Variants in EPS15 observed in about 807,000 individuals in gnomAD.
EPS15 encodes the protein epidermal growth factor receptor pathway substrate 15.
EPS15 carries 72 observed loss-of-function variants against 113.8 expected under a neutral mutation model. The observed-to-expected ratio is 0.63, with a 90% confidence interval of 0.52 to 0.77. EPS15 has a LOEUF of 0.77. EPS15 is among the 30% of genes least tolerant of loss of function. EPS15 has a pLI of 0.00. For synonymous variants in EPS15, 344 were observed against 363.4 expected, an observed-to-expected ratio of 0.95 and a Z score of 0.61; for missense variants, 1,048 against 1,045.8, an observed-to-expected ratio of 1.00 and a Z score of -0.03.
In EPS15 at chr1:51,438,574, T is replaced by C. The variant is rs919113865; in HGVS notation, c.1040+1773A>G. Among the ~76,000 whole-genome samples the C allele has an allele frequency of 8.5e-5, 13 of 152,308 alleles. 1 individual carries two copies. The highest frequency in any genetic ancestry group is 4.1e-4 in the South Asian group (2 of 4,834). ...ACATTGGTGTATGTATCCATTTTCATAGGCTTAAGAGGCCCAGATGATAAG... is the reference window on the plus strand; with the variant it reads ...ACATTGGTGTATGTATCCATTTTCACAGGCTTAAGAGGCCCAGATGATAAG... On this transcript the variant is annotated intron_variant, in intron 12 of 24. Coordinates refer to ENST00000371733, the MANE Select transcript of EPS15 (RefSeq NM_001981.3).
intron 1 of EPS15, among the ~76,000 whole-genome samples, chr1:51,497,080 A>G (rs576011221): frequency 6.6e-6 from 1 of 152,230 alleles, no homozygotes; most frequent in African/African-American, 2.4e-5. Context: ...AAAGCTATTC[A>G]ATGTTACATA....
At chr1:51,371,357 C>T (rs1015465751) in intron 21 of EPS15, among the ~76,000 whole-genome samples, 2 of 152,176 alleles carry the variant, frequency 1.3e-5, no homozygotes, top group African/African-American at 4.8e-5. Context: ...TGACTGCCCC[C>T]AAAGACCTTC....
chr1:51,462,870 ATTTTTTTTTTTTT>A (rs34320767), intron 7 of EPS15, among the ~76,000 whole-genome samples: 9 of 111,068 alleles, frequency 8.1e-5, no homozygotes, highest in Admixed American at 6.7e-4. Context: ...AAAAAGTCAG[ATTTTTTTTTTTTT>A]TTTTTTTTTT....
At chr1:51,455,410 C>T (rs927514648) in intron 8 of EPS15, among the ~76,000 whole-genome samples, 1 of 151,742 alleles carries the variant, frequency 6.6e-6, no homozygotes, top group African/African-American at 2.4e-5. Context: ...GCCAACACGG[C>T]GAAACCCCAT....
chr1:51,491,814 G>A (rs1191308910), intron 1 of EPS15, among the ~76,000 whole-genome samples: 3 of 151,382 alleles, frequency 2.0e-5, no homozygotes, highest in Admixed American at 1.3e-4. Flanking sequence ...CTTACAGAAT[G>A]CACAGTGCAC....
At chr1:51,405,793 CAATTGTCCTCAGATGAGGCA>C in intron 16 of EPS15, 92 bp downstream of exon 16, 1 of 822,594 alleles carries the variant, frequency 1.2e-6, no homozygotes, top group Non-Finnish European at 2.0e-6. Context: ...AAGGAAATCT[CAATTGTCCTCAGATGAGGCA>C]AGGCCATGTA....
intron 1 of EPS15, among the ~76,000 whole-genome samples, chr1:51,514,214 T>C (rs1056138043): frequency 3.3e-5 from 5 of 152,202 alleles, no homozygotes; most frequent in African/African-American, 9.6e-5. Flanking sequence ...CATACCTTGT[T>C]GATTCAACTG....
Position 51,443,135 on chromosome 1 carries a change from T to C in EPS15, c.954+1754A>G, listed in dbSNP as rs1652726262. Among the ~76,000 whole-genome samples the C allele has an allele frequency of 2.0e-5, 3 of 152,138 alleles. No homozygotes were observed. The South Asian group carries it at 6.2e-4, about 32-fold the overall frequency. On this transcript the variant is annotated intron_variant, in intron 11 of 24. Coordinates refer to ENST00000371733, the MANE Select transcript of EPS15 (RefSeq NM_001981.3). ...CATAAATAGACAAACGTATCTATGATCTAGTGAATGAACTTCAGACAAATC... is the reference window on the plus strand; with the variant it reads ...CATAAATAGACAAACGTATCTATGACCTAGTGAATGAACTTCAGACAAATC...
At chr1:51,463,552 A>G (rs1436513586) in intron 7 of EPS15, 121 bp downstream of exon 7, 2 of 550,974 alleles carry the variant, frequency 3.6e-6, no homozygotes, top group Non-Finnish European at 6.0e-6. Context: ...AAAATCCTAT[A>G]ATGATACAAC....
chr1:51,363,315 A>AAG (rs1491034426), intron 23 of EPS15, among the ~76,000 whole-genome samples: 6 of 151,186 alleles, frequency 4.0e-5, no homozygotes, highest in Admixed American at 3.3e-4. Context: ...AAAAAAAAAA[A>AAG]GAGGAATATT....
intron 21 of EPS15, among the ~76,000 whole-genome samples, chr1:51,391,455 TAATAAAATAA>T (rs57219279): frequency 3.6e-3 from 531 of 148,352 alleles, no homozygotes; most frequent in East Asian, 0.014. Flanking sequence ...CCTAAAACTT[TAATAAAATAA>T]AATAAAATAA....
intron 24 of EPS15, 138 bp from the exon 25 acceptor site, chr1:51,356,984 C>A: frequency 1.6e-6 from 1 of 624,346 alleles, no homozygotes; most frequent in African/African-American, 1.9e-5. Context: ...TTTTTTTTTT[C>A]CCCCTGAAAA....
At chr1:51,377,720 CAGGAA>C (rs1261784756) in intron 21 of EPS15, among the ~76,000 whole-genome samples, 1 of 152,010 alleles carries the variant, frequency 6.6e-6, no homozygotes, top group Non-Finnish European at 1.5e-5. Flanking sequence ...AGAAATCGTA[CAGGAA>C]AGGAAGAGTC....
intron 1 of EPS15, 94 bp downstream of exon 1, chr1:51,519,105 G>C (rs1395069126): frequency 1.6e-5 from 14 of 858,406 alleles, no homozygotes; most frequent in Non-Finnish European, 2.4e-5. Flanking sequence ...GAAGCTGCCT[G>C]CTTGGCCCAC....
At chr1:51,435,069 T>TG (rs1652033349) in intron 12 of EPS15, among the ~76,000 whole-genome samples, 1 of 151,684 alleles carries the variant, frequency 6.6e-6, no homozygotes, top group African/African-American at 2.4e-5. Flanking sequence ...TTTAAACATG[T>TG]GAAAAAAAAG....
chr1:51,397,207 G>A (rs111655439), intron 20 of EPS15: 4 of 152,174 alleles, frequency 2.6e-5, no homozygotes, highest in African/African-American at 9.6e-5. Context: ...AACCTCATAG[G>A]ATTACTGTGA....
intron 2 of EPS15, among the ~76,000 whole-genome samples, chr1:51,474,789 G>A (rs541560525): frequency 3.3e-5 from 5 of 151,286 alleles, no homozygotes; most frequent in African/African-American, 7.3e-5. Context: ...CCATTAACTC[G>A]TCATTTACAT....
At position 51,413,332 on chromosome 1, in the gene EPS15, C is replaced by T. The variant is rs563056622; in HGVS notation, c.1114-3636G>A. On this transcript the variant is annotated intron_variant, in intron 13 of 24. Transcript: ENST00000371733. ...CATACTTAATACACTGTAATCATAG[C>T]TAACCTCTAAATTACAAACTTCTAA... is the stretch of plus-strand genomic sequence containing the variant. Among the ~76,000 whole-genome samples the T allele has an allele frequency of 1.3e-4, 20 of 152,310 alleles. No individual in the cohort carries two copies. The East Asian group carries it at 3.9e-3, about 29-fold the overall frequency.
Position 51,491,701 on chromosome 1 carries a change from G to A in EPS15, c.34-10387C>T, listed in dbSNP as rs77861606. On this transcript the variant is annotated intron_variant, in intron 1 of 24. Transcript: ENST00000371733. ...AACAACTCTAAAGCTAGGGTGGAGG[G>A]CGTGGTGGGGCAGAGAAAGGCAAAT... Among the ~76,000 whole-genome samples, 415 of 152,102 alleles carry A rather than the reference G, an allele frequency of 2.7e-3. 3 individuals are homozygous for A. Among genetic ancestry groups the A allele is most frequent in the African/African-American group, 9.5e-3 (394 of 41,498 alleles).
Sources: allele counts gnomAD v4.1 joint callset (sites outside exome capture counted in the v4.1 genomes callset), GRCh38; gene constraint gnomAD v4.1.1; transcripts MANE v1.5; gene names NCBI Gene and HGNC (gene_info 2026-07-23, HGNC 2026-07-21).